Variants in POLQ observed in about 807,000 individuals in gnomAD.
POLQ encodes the protein epididymis secretory sperm binding protein.
In POLQ, 233 loss-of-function variants were observed where a neutral mutation model predicts 259.2. The observed-to-expected ratio is 0.90, with a 90% CI of 0.81 to 1.00. The LOEUF (loss-of-function observed/expected upper bound fraction) is 1.00. Among genes scored for constraint, POLQ ranks in the 50% least tolerant of loss-of-function variants. The pLI is 0.00. For missense variants in POLQ, 2,871 were observed against 3,051.6 expected, an observed-to-expected ratio of 0.94 and a Z score of 1.39; for synonymous variants, 1,025 against 1,048.8, an observed-to-expected ratio of 0.98 and a Z score of 0.44.
intron 26 of POLQ, among the ~76,000 whole-genome samples, chr3:121,446,832 C>T (rs1048376834): frequency 6.6e-6 from 1 of 151,934 alleles, no homozygotes; most frequent in African/African-American, 2.4e-5. Flanking sequence ...CAGTCTATAT[C>T]TTTAGAGGTG....
At position 121,520,262 on chromosome 3, in the gene POLQ, G is replaced by A. The variant is rs180880192; in HGVS notation, c.1256-179C>T. On this transcript the variant is annotated intron_variant, in intron 8 of 29. Transcript: ENST00000264233. ...CTTTAACAGCATAATCTGGCCGGGC[G>A]CGGTGGCTCATGTCTGTAATCCCAG... Among the ~76,000 whole-genome samples, 495 of 152,234 alleles carry A rather than the reference G, an allele frequency of 3.3e-3. 1 individual carries two copies. Among genetic ancestry groups the A allele is most frequent in the Non-Finnish European group, 5.1e-3 (348 of 68,014 alleles).
At chr3:121,506,987 A>G (rs1004520551) in intron 12 of POLQ, among the ~76,000 whole-genome samples, 2 of 152,240 alleles carry the variant, frequency 1.3e-5, no homozygotes, top group African/African-American at 2.4e-5. Context: ...AAGAAAAAAA[A>G]AGGTATAATG....
At chr3:121,453,493 T>C (rs966593596) in intron 25 of POLQ, among the ~76,000 whole-genome samples, 7 of 152,100 alleles carry the variant, frequency 4.6e-5, no homozygotes, top group Non-Finnish European at 8.8e-5. Flanking sequence ...AAACTTAGAA[T>C]AAAATTTAGA....
Position 121,488,535 on chromosome 3 carries a change from T to C in POLQ, c.4396A>G (p.Arg1466Gly), listed in dbSNP as rs1178030483. 5 of 1,611,398 alleles carry C rather than the reference T, an allele frequency of 3.1e-6. No individual in the cohort carries two copies. The South Asian group carries it at 5.6e-5, about 18-fold the overall frequency. Residue 1466 changes from arginine (R) to glycine (G), a missense_variant, in exon 16 of 30, where the codon AGA (arginine) becomes GGA (glycine). Arg to Gly is a moderately radical substitution (Grantham distance 125, BLOSUM62 -2). Transcript: ENST00000264233. ...TCTCCTTCTACACCAGTGGGAGTTC[T>C]CTTTTGAGGAATCAGAAGTATAACT... ...KPVILLIPQK[R>G]TPTGVEGECL...
chr3:121,538,277 T>C (rs1185672653), intron 4 of POLQ, among the ~76,000 whole-genome samples: 1 of 152,088 alleles, frequency 6.6e-6, no homozygotes, highest in Non-Finnish European at 1.5e-5. Context: ...ATGATCACAA[T>C]GTCCTTCACT....
intron 12 of POLQ, among the ~76,000 whole-genome samples, chr3:121,501,997 A>C (rs1176656083): frequency 6.6e-6 from 1 of 151,842 alleles, no homozygotes; most frequent in African/African-American, 2.4e-5. Flanking sequence ...CTCCAAAAAA[A>C]AAAAAAAAAG....
Position 121,488,553 on chromosome 3 carries a change from G to A in POLQ, c.4378C>T (p.Leu1460Phe). The change falls in exon 16 of 30, where the codon CTT becomes TTT. Residue 1460 changes from leucine to phenylalanine, a missense_variant. By Grantham distance (22) the Leu-to-Phe change is conservative (BLOSUM62 0). Transcript: ENST00000264233. ...GGAGTTCTCTTTTGAGGAATCAGAA[G>A]TATAACTGGTTTCACAGTTTCTTGT... ...QTQETVKPVI[L>F]LIPQKRTPTG... 6.2e-7 allele frequency: 1 copy of A among 1,611,880 alleles called. No individual in the cohort carries two copies. The highest frequency in any genetic ancestry group is 1.1e-5 in the South Asian group (1 of 90,250).
At chr3:121,540,877 C>T (rs550314952) in intron 3 of POLQ, among the ~76,000 whole-genome samples, 1 of 147,652 alleles carries the variant, frequency 6.8e-6, no homozygotes, top group South Asian at 2.2e-4. Flanking sequence ...CTTTTAATTT[C>T]CTTCTGTAAA....
chr3:121,498,495 T>C lies in POLQ; in HGVS notation c.2135A>G (p.Gln712Arg), dbSNP rs1377895117. Reference sequence around the variant, plus strand: ...CGTTTACCTTTTATGGATGGCCATTTGTCGATGCTGTCTCTCAGTTCTGGC... The same window carrying C: ...CGTTTACCTTTTATGGATGGCCATTCGTCGATGCTGTCTCTCAGTTCTGGC... ...VVARTERQHR[Q>R]MAIHKRFFTS... Residue 712 changes from glutamine (Q) to arginine (R), a missense_variant, in exon 13 of 30, where the codon CAA becomes CGA. Physicochemically the swap from Gln to Arg is conservative, Grantham distance 43 (BLOSUM62 1). Transcript: ENST00000264233. The C allele has an allele frequency of 4.3e-6, 7 of 1,613,790 alleles. No homozygotes were observed. Among genetic ancestry groups the C allele is most frequent in the Non-Finnish European group, 5.9e-6 (7 of 1,179,908 alleles).
At position 121,476,699 on chromosome 3, in the gene POLQ, G is replaced by A; in HGVS notation, c.6246C>T (p.Tyr2082=). The change falls in exon 20 of 30, where the codon TAC becomes TAT. Residue 2082 remains tyrosine, a synonymous_variant. Coordinates refer to ENST00000264233, the MANE Select transcript of POLQ (RefSeq NM_199420.4). ...VFRKVEMPSQ[Y]CLALLELNGI... ...CATTTAGTTCTAGCAAGGCCAAGCA[G>A]TACTGAGAGGGCATTTCCACCTTAC... 1 of 1,605,182 alleles carries A rather than the reference G, an allele frequency of 6.2e-7. No individual in the cohort carries two copies. The highest frequency in any genetic ancestry group is 8.5e-7 in the Non-Finnish European group (1 of 1,177,574).
At position 121,544,817 on chromosome 3, in the gene POLQ, G is replaced by C; in HGVS notation, c.253C>G (p.His85Asp). The C allele has an allele frequency of 6.2e-7, 1 of 1,612,126 alleles. No homozygotes were observed. Among genetic ancestry groups the C allele is most frequent in the Non-Finnish European group, 8.5e-7 (1 of 1,178,298 alleles). ...AACATCTTTTTTACACCAAAACTGT[G>C]GTATTTTTCCAGAACTGCTTTAGGA... ...GLPKAVLEKY[H>D]SFGVKKMFEW... Residue 85 changes from histidine to aspartate, a missense_variant, in exon 2 of 30, where the codon CAC (histidine) becomes GAC (aspartate). Coordinates refer to ENST00000264233, the MANE Select transcript of POLQ (RefSeq NM_199420.4).
In POLQ at chr3:121,545,750, G is replaced by A. The variant is rs1560111845; in HGVS notation, c.128C>T (p.Pro43Leu). 6.3e-7 allele frequency: 1 copy of A among 1,594,598 alleles called. No homozygotes were observed. Among genetic ancestry groups the A allele is most frequent in the Non-Finnish European group, 8.5e-7 (1 of 1,170,902 alleles). ...FLSGSVLSPP[P>L]GLGRCLKAAA... ...GGCCTTCAGGCAGCGACCAAGGCCGGGCGGCGGGCTCAGCACGGACCCGGA... is the reference window on the plus strand; with the variant it reads ...GGCCTTCAGGCAGCGACCAAGGCCGAGCGGCGGGCTCAGCACGGACCCGGA... Residue 43 changes from proline (P) to leucine (L), a missense_variant, in exon 1 of 30, where the codon CCC becomes CTC. By Grantham distance (98) the Pro-to-Leu change is moderately conservative (BLOSUM62 -3). This residue lies in a region of POLQ where 783 missense variants were observed against 906.2 expected (regional missense o/e 0.86). Transcript: ENST00000264233.
At chr3:121,521,384 T>C (rs1315962549) in intron 8 of POLQ, among the ~76,000 whole-genome samples, 2 of 152,148 alleles carry the variant, frequency 1.3e-5, no homozygotes, top group Admixed American at 6.6e-5. Context: ...ATATACCATA[T>C]ATATACCCCC....
At chr3:121,474,550 G>A (rs1186217425) in intron 20 of POLQ, among the ~76,000 whole-genome samples, 1 of 152,150 alleles carries the variant, frequency 6.6e-6, no homozygotes, top group African/African-American at 2.4e-5. Context: ...TCTAAAAATT[G>A]AAACTATTTG....
chr3:121,512,831 C>T lies in POLQ; in HGVS notation c.1469-802G>A, dbSNP rs1399829210. 3.9e-5 allele frequency among the ~76,000 whole-genome samples: 6 copies of T among 152,172 alleles called. No individual in the cohort carries two copies. In the East Asian group the frequency reaches 9.6e-4, roughly 24 times the overall value. On this transcript the variant is annotated intron_variant, in intron 9 of 29. Transcript: ENST00000264233. ...ACTTTCAAACCTATAAAGTAAAATGCAAATGTAAATTGTTACCAGTTATAT... is the reference window on the plus strand; with the variant it reads ...ACTTTCAAACCTATAAAGTAAAATGTAAATGTAAATTGTTACCAGTTATAT...
chr3:121,434,430 CTTAAAT>C (rs1174986686), intron 28 of POLQ, among the ~76,000 whole-genome samples: 3 of 152,202 alleles, frequency 2.0e-5, no homozygotes, highest in Non-Finnish European at 4.4e-5. Context: ...TTAAATAGAA[CTTAAAT>C]TTAAAGATAG....
At chr3:121,536,262 G>A (rs935749371) in intron 5 of POLQ, among the ~76,000 whole-genome samples, 5 of 152,092 alleles carry the variant, frequency 3.3e-5, no homozygotes, top group African/African-American at 1.2e-4. Flanking sequence ...GATAATGAGA[G>A]GATAAGGAGA....
chr3:121,451,459 G>T (rs1248559987), intron 25 of POLQ, among the ~76,000 whole-genome samples: 2 of 152,192 alleles, frequency 1.3e-5, no homozygotes, highest in Non-Finnish European at 2.9e-5. Flanking sequence ...CGTACAGATG[G>T]GGTTTTGGTG....
intron 14 of POLQ, among the ~76,000 whole-genome samples, chr3:121,495,706 G>A (rs377358574): frequency 2.0e-4 from 31 of 151,610 alleles, no homozygotes; most frequent in African/African-American, 2.9e-4. Context: ...AAAATTAGCC[G>A]GGCGTGGTGC....
Sources: allele counts gnomAD v4.1 joint callset (sites outside exome capture counted in the v4.1 genomes callset), GRCh38; gene constraint gnomAD v4.1.1; regional missense constraint gnomAD v4.1.1; transcripts MANE v1.5; gene names NCBI Gene and HGNC (gene_info 2026-07-23, HGNC 2026-07-21).